The following TOX2 variants were observed in gnomAD, a reference collection of about 807,000 sequenced individuals.
TOX2 encodes granulosa cell HMG box 1.
TOX2 carries 15 observed loss-of-function variants against 47.4 expected under a neutral mutation model. That is an observed-to-expected ratio of 0.32 (90% CI 0.21 to 0.49). The LOEUF is 0.49. TOX2 is among the 20% of genes least tolerant of loss of function. The pLI, the probability that TOX2 is intolerant of heterozygous loss-of-function variation, is 0.99. For synonymous variants in TOX2, 290 were observed against 296.6 expected (o/e 0.98, Z 0.23); for missense variants, 622 against 673.1 (o/e 0.92, Z 0.84).
chr20:43,929,973 G>T (rs890518317), intron 1 of TOX2, among the ~76,000 whole-genome samples: 3 of 152,196 alleles, frequency 2.0e-5, no homozygotes, highest in Non-Finnish European at 4.4e-5. Flanking sequence ...CTCCCGAAGC[G>T]CTGGGATTAC....
chr20:43,963,563 G>T (rs973229237), intron 1 of TOX2, among the ~76,000 whole-genome samples: 1 of 152,210 alleles, frequency 6.6e-6, no homozygotes, highest in African/African-American at 2.4e-5. Context: ...GCAGGTCTTG[G>T]CTGTGTGGCC....
At chr20:43,961,739 T>A (rs1269440510) in intron 1 of TOX2, among the ~76,000 whole-genome samples, 1 of 152,002 alleles carries the variant, frequency 6.6e-6, no homozygotes, top group Non-Finnish European at 1.5e-5. Flanking sequence ...GAGAGGTCCA[T>A]GGGCCTGGCT....
intron 1 of TOX2, among the ~76,000 whole-genome samples, chr20:43,931,619 G>A (rs753727302): frequency 1.1e-4 from 16 of 152,178 alleles, no homozygotes; most frequent in Non-Finnish European, 2.1e-4. Context: ...GTGCTTGGAC[G>A]TTGACTTAAG....
intron 1 of TOX2, among the ~76,000 whole-genome samples, chr20:43,971,043 G>A (rs768624876): frequency 6.6e-5 from 10 of 152,168 alleles, no homozygotes; most frequent in African/African-American, 1.9e-4. Flanking sequence ...GACTCTCCCC[G>A]TCCCTGTGCT....
rs1477251657 is a variant in TOX2, at chr20:44,051,565, A to G, written c.651+20A>G. The G allele has an allele frequency of 1.3e-6, 2 of 1,549,704 alleles. No individual in the cohort carries two copies. The highest frequency in any genetic ancestry group is 1.7e-6 in the Non-Finnish European group (2 of 1,143,324). On this transcript the variant is annotated intron_variant, in intron 4 of 8. Coordinates refer to ENST00000341197, the MANE Select transcript of TOX2 (RefSeq NM_001098797.2). ...TTCAAGGTATGTGCGGTGGAGGAAC[A>G]GAGCCTGAAGCTGCCCTCCTGTCGG...
At chr20:44,062,216 T>TAAAGACTCATCCAA (rs2071729543) in intron 5 of TOX2, among the ~76,000 whole-genome samples, 1 of 152,040 alleles carries the variant, frequency 6.6e-6, no homozygotes, top group Non-Finnish European at 1.5e-5. Context: ...TAGAAAACCC[T>TAAAGACTCATCCAA]AAAGACTCAT....
intron 5 of TOX2, among the ~76,000 whole-genome samples, chr20:44,055,244 A>G (rs774929632): frequency 6.6e-6 from 1 of 152,262 alleles, no homozygotes; most frequent in Non-Finnish European, 1.5e-5. Context: ...TGTTGGCATG[A>G]GAGACATGAA....
intron 1 of TOX2, among the ~76,000 whole-genome samples, chr20:43,957,683 A>T (rs945743515): frequency 1.3e-5 from 2 of 148,646 alleles, no homozygotes; most frequent in African/African-American, 5.0e-5. Context: ...CCTCTGTATT[A>T]GTTTGTTCTT....
intron 6 of TOX2, 96 bp from the exon 7 acceptor site, chr20:44,065,616 C>T: frequency 7.1e-7 from 1 of 1,412,830 alleles, no homozygotes; most frequent in Non-Finnish European, 9.6e-7. Context: ...CAGCCAGCAG[C>T]CGTGTCAGTG....
chr20:43,920,444 A>G (rs1180228094), intron 1 of TOX2, among the ~76,000 whole-genome samples: 1 of 152,198 alleles, frequency 6.6e-6, no homozygotes, highest in Admixed American at 6.5e-5. Flanking sequence ...GTGGCTGCTA[A>G]TGGGTCCCAT....
chr20:44,042,709 A>G (rs1057314021), intron 3 of TOX2, among the ~76,000 whole-genome samples: 2 of 152,240 alleles, frequency 1.3e-5, no homozygotes, highest in African/African-American at 4.8e-5. Flanking sequence ...TTGAGACTCA[A>G]AAAAGCCATT....
At chr20:43,920,755 G>A (rs970304586) in intron 1 of TOX2, among the ~76,000 whole-genome samples, 3 of 152,132 alleles carry the variant, frequency 2.0e-5, no homozygotes, top group African/African-American at 7.2e-5. Flanking sequence ...GCAAACCGGT[G>A]ACCATCAGCC....
intron 2 of TOX2, among the ~76,000 whole-genome samples, chr20:43,979,613 A>G (rs2070137644): frequency 6.6e-6 from 1 of 152,232 alleles, no homozygotes; most frequent in African/African-American, 2.4e-5. Flanking sequence ...AATGGGAGAA[A>G]GTATTTGCAA....
chr20:43,979,111 G>T (rs1416710605), intron 2 of TOX2, among the ~76,000 whole-genome samples: 1 of 152,182 alleles, frequency 6.6e-6, no homozygotes, highest in Non-Finnish European at 1.5e-5. Flanking sequence ...CTGGGGATTT[G>T]CAGGTTTGAT....
At chr20:43,980,145 T>C (rs1169158684) in intron 2 of TOX2, among the ~76,000 whole-genome samples, 1 of 152,212 alleles carries the variant, frequency 6.6e-6, no homozygotes, top group East Asian at 1.9e-4. Flanking sequence ...AACAGATGAA[T>C]GGGTAAAGAG....
intron 1 of TOX2, chr20:43,946,054 C>T: frequency 6.2e-7 from 1 of 1,612,972 alleles, no homozygotes; most frequent in Non-Finnish European, 8.5e-7. Flanking sequence ...CAGCGGGTGC[C>T]CACCGCCCCA....
intron 5 of TOX2, among the ~76,000 whole-genome samples, chr20:44,062,183 T>C (rs1255472953): frequency 6.6e-6 from 1 of 152,086 alleles, no homozygotes; most frequent in East Asian, 1.9e-4. Flanking sequence ...TGTCACTGTT[T>C]GCTGATGGGA....
intron 1 of TOX2, among the ~76,000 whole-genome samples, chr20:43,952,797 G>A (rs2069603192): frequency 2.0e-5 from 3 of 152,180 alleles, no homozygotes; most frequent in Admixed American, 1.3e-4. Context: ...GACACAGTTA[G>A]TCGGTACTTA....
intron 1 of TOX2, among the ~76,000 whole-genome samples, chr20:43,925,607 A>T (rs1173949615): frequency 3.3e-5 from 5 of 152,328 alleles, no homozygotes; most frequent in Admixed American, 3.3e-4. Flanking sequence ...GGACGGGCAC[A>T]GGGGTCCCAG....
Sources: gnomAD v4.1 joint callset for allele counts (sites outside exome capture counted in the v4.1 genomes callset) on GRCh38, gnomAD v4.1.1 for gene constraint, MANE v1.5 for transcripts, NCBI Gene and HGNC (gene_info 2026-07-23, HGNC 2026-07-21) for gene names.